ANXA10: variants seen among roughly 807,000 people sequenced by gnomAD.
ANXA10 encodes annexin 14.
Under a neutral mutation model 53.5 loss-of-function variants are expected in ANXA10, and 49 were observed. The observed-to-expected ratio is 0.92, with a 90% CI of 0.73 to 1.16. The LOEUF (loss-of-function observed/expected upper bound fraction) is 1.16. ANXA10 is among the 50% of genes most tolerant of loss of function. The pLI, the probability that ANXA10 is intolerant of heterozygous loss-of-function variation, is 0.00. For missense variants in ANXA10, 393 were observed against 394.4 expected (o/e 1.00, Z 0.03); for synonymous variants, 131 against 128.9 (o/e 1.02, Z -0.11).
intron 1 of ANXA10, among the ~76,000 whole-genome samples, chr4:168,097,724 G>T (rs947000483): frequency 1.3e-5 from 2 of 152,102 alleles, no homozygotes; most frequent in African/African-American, 4.8e-5. Context: ...GTACTGGTCA[G>T]AGAGTAATAA....
intron 10 of ANXA10, among the ~76,000 whole-genome samples, chr4:168,182,318 A>ATT (rs542260478): frequency 0.059 from 2,909 of 49,446 alleles, 862 homozygotes; most frequent in African/African-American, 0.11. Flanking sequence ...TGGAGCATTA[A>ATT]TTTTTTTTTT....
chr4:168,177,457 A>T (rs952177741), intron 6 of ANXA10, among the ~76,000 whole-genome samples: 3 of 152,232 alleles, frequency 2.0e-5, no homozygotes, highest in African/African-American at 7.2e-5. Flanking sequence ...AAGGGAGAAG[A>T]TACTGCACAG....
intron 3 of ANXA10, among the ~76,000 whole-genome samples, chr4:168,162,201 C>A (rs1408136420): frequency 6.6e-6 from 1 of 152,072 alleles, no homozygotes; most frequent in African/African-American, 2.4e-5. Flanking sequence ...TAAAGACCCC[C>A]AATTAAATGT....
chr4:168,152,554 G>A (rs766987377), intron 3 of ANXA10, among the ~76,000 whole-genome samples: 9 of 152,020 alleles, frequency 5.9e-5, no homozygotes, highest in Non-Finnish European at 1.3e-4. Flanking sequence ...ATTTTGGAGT[G>A]TGGCTTGAGA....
intron 9 of ANXA10, 56 bp from the exon 10 acceptor site, chr4:168,181,627 C>A: frequency 7.2e-7 from 1 of 1,384,400 alleles, no homozygotes; most frequent in Non-Finnish European, 1.0e-6. Flanking sequence ...CAAATTCTGA[C>A]GAAAATATAT....
intron 1 of ANXA10, among the ~76,000 whole-genome samples, chr4:168,107,177 A>G (rs980185547): frequency 9.2e-5 from 14 of 152,166 alleles, no homozygotes; most frequent in African/African-American, 2.9e-4. Context: ...AGAAAAAAAT[A>G]TGGATTTACT....
At chr4:168,113,708 C>T (rs1377393741) in intron 1 of ANXA10, among the ~76,000 whole-genome samples, 2 of 152,240 alleles carry the variant, frequency 1.3e-5, no homozygotes, top group Non-Finnish European at 2.9e-5. Context: ...GAAAAGACAC[C>T]ACATTCAAAC....
chr4:168,184,739 A>G (rs1202482226), intron 11 of ANXA10, 58 bp downstream of exon 11: 1 of 1,593,658 alleles, frequency 6.3e-7, no homozygotes, highest in Non-Finnish European at 8.5e-7. Flanking sequence ...TGAAACTGAG[A>G]TAAAAGTTCT....
rs1417481040 is a variant in ANXA10 at position 168,187,432 on chromosome 4, T to C, written c.973T>C (p.Ter325GlnextTer18). The C allele has an allele frequency of 6.3e-7, 1 of 1,581,770 alleles. No individual in the cohort carries two copies. Among genetic ancestry groups the C allele is most frequent in the South Asian group, 1.2e-5 (1 of 84,248 alleles). The change falls in exon 12 of 12, where the codon TAA (stop) becomes CAA (glutamine). Residue 325 changes from the stop codon to glutamine (Q), a stop_lost. Coordinates refer to ENST00000359299, the MANE Select transcript of ANXA10 (RefSeq NM_007193.5). ...AICAGDAEDY* is the reference protein window; with the variant it reads ...AICAGDAEDYQ ...CTGTGCTGGTGATGCTGAGGACTACTAAAATGAAGAGGACTTGGAGTACTG... is the reference window on the plus strand; with the variant it reads ...CTGTGCTGGTGATGCTGAGGACTACCAAAATGAAGAGGACTTGGAGTACTG...
At chr4:168,104,892 T>C (rs1210939690) in intron 1 of ANXA10, among the ~76,000 whole-genome samples, 1 of 151,888 alleles carries the variant, frequency 6.6e-6, no homozygotes, top group Non-Finnish European at 1.5e-5. Flanking sequence ...ATTTCTATTA[T>C]TTCTCTAATT....
chr4:168,147,805 G>T lies in ANXA10; in HGVS notation c.195+8225G>T, dbSNP rs549368932. Among the ~76,000 whole-genome samples the T allele has an allele frequency of 9.2e-5, 14 of 152,258 alleles. 1 individual carries two copies. The highest frequency in any genetic ancestry group is 3.9e-4 in the Admixed American group (6 of 15,294). The stretch of plus-strand genomic sequence containing the variant: ...TCCTCCTGCTCCACAAAGGCAAATG[G>T]GCATGGCCCTAGTCCACAATGGGAA... On this transcript the variant is annotated intron_variant, in intron 3 of 11. Coordinates refer to ENST00000359299, the MANE Select transcript of ANXA10 (RefSeq NM_007193.5).
rs1389674118 is a variant in ANXA10, at chr4:168,178,473, T to A, written c.628+490T>A. Reference sequence around the variant, plus strand: ...TGTCTTTTTCTTTTATTAAAAAAAATTTTGTTTTTTTCTATATAAAGTACG... The same window carrying A: ...TGTCTTTTTCTTTTATTAAAAAAAAATTTGTTTTTTTCTATATAAAGTACG... On this transcript the variant is annotated intron_variant, in intron 8 of 11. Transcript: ENST00000359299. Among the ~76,000 whole-genome samples the A allele has an allele frequency of 7.2e-5, 11 of 152,206 alleles. No individual in the cohort carries two copies. The East Asian group carries it at 7.7e-4, about 11-fold the overall frequency.
At chr4:168,094,211 A>AT (rs1001156430) in intron 1 of ANXA10, among the ~76,000 whole-genome samples, 2 of 152,008 alleles carry the variant, frequency 1.3e-5, no homozygotes, top group East Asian at 3.8e-4. Flanking sequence ...GGCTAACAAG[A>AT]TTTTTTTTAA....
intron 1 of ANXA10, among the ~76,000 whole-genome samples, chr4:168,104,607 T>C (rs780489141): frequency 2.0e-5 from 3 of 151,968 alleles, no homozygotes; most frequent in Non-Finnish European, 4.4e-5. Context: ...TTTTCTTGAA[T>C]GAGTTTGGGT....
At chr4:168,166,048 G>C (rs1024428126) in intron 6 of ANXA10, among the ~76,000 whole-genome samples, 5 of 152,178 alleles carry the variant, frequency 3.3e-5, no homozygotes, top group African/African-American at 1.2e-4. Context: ...CTCCTACAAT[G>C]TGCCTAGTAC....
chr4:168,104,836 A>G (rs918958068), intron 1 of ANXA10, among the ~76,000 whole-genome samples: 7 of 150,076 alleles, frequency 4.7e-5, no homozygotes, highest in Non-Finnish European at 8.9e-5. Flanking sequence ...TATTGATTTT[A>G]CTCTTGTCTT....
At chr4:168,152,780 T>C (rs908171934) in intron 3 of ANXA10, among the ~76,000 whole-genome samples, 5 of 148,704 alleles carry the variant, frequency 3.4e-5, no homozygotes, top group Non-Finnish European at 7.4e-5. Flanking sequence ...GTAAATAAAA[T>C]ATAACTCATA....
chr4:168,120,168 C>T (rs923733647), intron 1 of ANXA10, among the ~76,000 whole-genome samples: 3 of 151,876 alleles, frequency 2.0e-5, no homozygotes, highest in Non-Finnish European at 4.4e-5. Context: ...TTTACTGGAA[C>T]ATTGAAATAT....
intron 1 of ANXA10, 94 bp downstream of exon 1, chr4:168,092,812 A>G: frequency 8.2e-7 from 1 of 1,212,860 alleles, no homozygotes; most frequent in Non-Finnish European, 1.1e-6. Flanking sequence ...TTAACAGAAA[A>G]TGTTGTTCTA....
Sources: gnomAD v4.1 joint callset for allele counts (sites outside exome capture counted in the v4.1 genomes callset) on GRCh38, gnomAD v4.1.1 for gene constraint, MANE v1.5 for transcripts, NCBI Gene and HGNC (gene_info 2026-07-23, HGNC 2026-07-21) for gene names.